ATAD3B: variants seen among roughly 807,000 people sequenced by gnomAD.
The protein encoded by ATAD3B is ATPase family AAA domain containing 3B.
A neutral mutation model predicts 70.2 loss-of-function variants in ATAD3B; 59 were observed. The ratio of observed to expected loss-of-function variants is 0.84; its 90% CI spans 0.68 to 1.04. The LOEUF (loss-of-function observed/expected upper bound fraction) is 1.04. Ranked by LOEUF, ATAD3B falls within the 50% of genes least tolerant of loss-of-function variation. ATAD3B has a pLI of 0.00. For synonymous variants in ATAD3B, 423 were observed against 388.6 expected, an observed-to-expected ratio of 1.09 and a Z score of -1.04; for missense variants, 961 against 913.4, an observed-to-expected ratio of 1.05 and a Z score of -0.67.
rs559023977 is a variant in ATAD3B at position 1,478,058 on chromosome 1, A to G, written c.283-586A>G. On this transcript the variant is annotated intron_variant, in intron 2 of 15. Coordinates refer to ENST00000673477, the MANE Select transcript of ATAD3B (RefSeq NM_031921.6). Reference sequence around the variant, plus strand: ...ACTCTGTCCCCCAGTCTGGCGTGCAATGGTTTGATCTCGGCTCACTGCAAC... The same window carrying G: ...ACTCTGTCCCCCAGTCTGGCGTGCAGTGGTTTGATCTCGGCTCACTGCAAC... 30 of 175,488 alleles carry G rather than the reference A, an allele frequency of 1.7e-4. No individual in the cohort carries two copies. The South Asian group carries it at 2.5e-3, about 15-fold the overall frequency. 10.9% of individuals were successfully genotyped at this position (175,488 alleles called of 1,614,324 possible). A position where few individuals can be genotyped will look rare whatever the true frequency, so the allele number is the denominator to read the frequency against.
chr1:1,477,130 C>T (rs1639633156), intron 1 of ATAD3B, 144 bp from the exon 2 acceptor site: 1 of 1,106,344 alleles, frequency 9.0e-7, no homozygotes, highest in Non-Finnish European at 1.3e-6. Context: ...CCACCTGAGC[C>T]TCAGAGTTGC....
intron 1 of ATAD3B, among the ~76,000 whole-genome samples, chr1:1,475,364 C>CCCCTG (rs1639537793): frequency 6.6e-6 from 1 of 151,528 alleles, no homozygotes; most frequent in South Asian, 2.1e-4. Context: ...CCCCGGGTGC[C>CCCCTG]CCCTGCCCTG....
intron 15 of ATAD3B, among the ~76,000 whole-genome samples, chr1:1,491,954 G>A (rs568536097): frequency 6.6e-6 from 1 of 152,010 alleles, no homozygotes; most frequent in African/African-American, 2.4e-5. Context: ...GGGAGGCCAA[G>A]TCAGTCAGAT....
Position 1,485,889 on chromosome 1 carries a change from C to T in ATAD3B, c.963+51C>T, listed in dbSNP as rs760826636. On this transcript the variant is annotated intron_variant, in intron 9 of 15. Coordinates refer to ENST00000673477, the MANE Select transcript of ATAD3B (RefSeq NM_031921.6). Reference sequence around the variant, plus strand: ...GAGGTGCAGGGAGGGGACCCCGGAGCTGGGCTGGGCTGTGGCCCTTGCTAG... The same window carrying T: ...GAGGTGCAGGGAGGGGACCCCGGAGTTGGGCTGGGCTGTGGCCCTTGCTAG... 5 of 1,611,788 alleles carry T rather than the reference C, an allele frequency of 3.1e-6. No homozygotes were observed. The East Asian group carries it at 1.1e-4, about 36-fold the overall frequency.
At chr1:1,494,998 G>A (rs1247295656) in intron 15 of ATAD3B, among the ~76,000 whole-genome samples, 1 of 152,074 alleles carries the variant, frequency 6.6e-6, no homozygotes, top group Admixed American at 6.6e-5. Flanking sequence ...TGTGCTCAAT[G>A]CCAAGCCCTG....
intron 2 of ATAD3B, among the ~76,000 whole-genome samples, chr1:1,477,846 C>T (rs1639675163): frequency 6.6e-6 from 1 of 151,976 alleles, no homozygotes; most frequent in Admixed American, 6.6e-5. Flanking sequence ...GCTGGGATTA[C>T]AGGCACGCGC....
chr1:1,505,758 AT>A, the ATAD3B span, among the ~76,000 whole-genome samples: 1 of 152,176 alleles, frequency 6.6e-6, no homozygotes, highest in Non-Finnish European at 1.5e-5. Context: ...TTTTTCCTAG[AT>A]TATGATTATA....
At chr1:1,503,295 G>A in the ATAD3B span, 3 of 368,886 alleles carry the variant, frequency 8.1e-6, no homozygotes, top group Non-Finnish European at 1.5e-5. Flanking sequence ...CTGACTTTGT[G>A]TTGAATTGGG....
At chr1:1,478,281 G>A in intron 2 of ATAD3B, 2 of 825,050 alleles carry the variant, frequency 2.4e-6, no homozygotes, top group Non-Finnish European at 1.8e-6. Context: ...ATAGGCAAGA[G>A]CGATGGCGCC....
At chr1:1,488,260 A>G (rs530610580) in intron 12 of ATAD3B, among the ~76,000 whole-genome samples, 37 of 152,016 alleles carry the variant, frequency 2.4e-4, no homozygotes, top group African/African-American at 7.5e-4. Flanking sequence ...CCAGCCATAC[A>G]GTTATTATTT....
At chr1:1,490,499 G>C in intron 14 of ATAD3B, 64 bp from the exon 15 acceptor site, 1 of 1,610,846 alleles carries the variant, frequency 6.2e-7, no homozygotes. Flanking sequence ...CCTGTCTTCC[G>C]GCCTCCACCT....
intron 8 of ATAD3B, among the ~76,000 whole-genome samples, chr1:1,485,491 G>T (rs1457467411): frequency 6.6e-6 from 1 of 152,120 alleles, no homozygotes; most frequent in Non-Finnish European, 1.5e-5. Flanking sequence ...ATGGCGTCTG[G>T]TGGCCTCCCT....
the ATAD3B span, chr1:1,503,480 C>T: frequency 7.2e-6 from 8 of 1,106,158 alleles, no homozygotes; most frequent in African/African-American, 3.1e-5. Flanking sequence ...GCTTTGAGGT[C>T]GAGGCGTGGC....
At chr1:1,485,244 A>G (rs1396344036) in intron 8 of ATAD3B, 73 bp downstream of exon 8, 14 of 1,575,638 alleles carry the variant, frequency 8.9e-6, no homozygotes, top group Non-Finnish European at 1.1e-5. Flanking sequence ...AGCACAGCCC[A>G]CGCACACCCT....
At position 1,482,073 on chromosome 1, in the gene ATAD3B, C is replaced by T. The variant is rs1325921454; in HGVS notation, c.515-65C>T. On this transcript the variant is annotated intron_variant, in intron 5 of 15. Transcript: ENST00000673477. Reference sequence around the variant, plus strand: ...CCGGTCCGTGGCGTGGGCCGGTCCACAGTGTGGGTGGAGGTGGACGTGCTG... The same window carrying T: ...CCGGTCCGTGGCGTGGGCCGGTCCATAGTGTGGGTGGAGGTGGACGTGCTG... 3.0e-5 allele frequency: 47 copies of T among 1,563,624 alleles called. 1 individual carries two copies. The highest frequency in any genetic ancestry group is 9.3e-5 in the Admixed American group (5 of 53,566).
chr1:1,478,727 G>C lies in ATAD3B; in HGVS notation c.366G>C (p.Glu122Asp), dbSNP rs534435343. 2.0e-6 allele frequency: 3 copies of C among 1,527,412 alleles called. No individual in the cohort carries two copies. The East Asian group carries it at 7.4e-5, about 38-fold the overall frequency. 94.6% of individuals were successfully genotyped at this position (1,527,412 alleles called of 1,614,324 possible). A position where few individuals can be genotyped will look rare whatever the true frequency, so the allele number is the denominator to read the frequency against. ...AGAGGAGGAAGACCCTGAGCGAGGA[G>C]ACCCGGCAGCACCAGGCCGTAAGAG... Reference protein sequence around the residue: ...AEERRKTLSEETRQHQARAQY... With the variant: ...AEERRKTLSEDTRQHQARAQY... The change falls in exon 3 of 16, where the codon GAG becomes GAC. Residue 122 changes from glutamate to aspartate, a missense_variant. Around this residue, in one of 4 missense-constraint regions of ATAD3B, gnomAD observed 187 missense variants for 244.3 expected, o/e 0.77. Transcript: ENST00000673477.
rs1639805543 is a variant in ATAD3B at position 1,479,786 on chromosome 1, C to G, written c.444+678C>G. Among the ~76,000 whole-genome samples, 3 of 144,942 alleles carry G rather than the reference C, an allele frequency of 2.1e-5. No individual in the cohort carries two copies. In the South Asian group the frequency reaches 6.8e-4, roughly 33 times the overall value. On this transcript the variant is annotated intron_variant, in intron 4 of 15. Transcript: ENST00000673477. ...GCACACATGGGGGCTTACACACCCC[C>G]CCGCACACGTGGGCCCGCTCACACA...
At chr1:1,499,214 G>A (rs1359205911), downstream of ATAD3B, among the ~76,000 whole-genome samples, 16 of 149,952 alleles carry the variant, frequency 1.1e-4, no homozygotes, top group Non-Finnish European at 1.8e-4. Flanking sequence ...CTCGTGATCC[G>A]CCCGCCTCGA....
intron 15 of ATAD3B, among the ~76,000 whole-genome samples, chr1:1,491,913 T>A (rs1640559639): frequency 6.6e-6 from 1 of 151,774 alleles, no homozygotes; most frequent in Admixed American, 6.6e-5. Context: ...CTGGGTATGG[T>A]GGTGGCTGAC....
Sources: gnomAD v4.1 joint callset for allele counts (sites outside exome capture counted in the v4.1 genomes callset) on GRCh38, gnomAD v4.1.1 for gene constraint, gnomAD v4.1.1 regional missense constraint, MANE v1.5 for transcripts, NCBI Gene and HGNC (gene_info 2026-07-23, HGNC 2026-07-21) for gene names.